MAP9: variants seen among roughly 807,000 people sequenced by gnomAD.
MAP9 encodes the protein microtubule-associated protein 9.
Under a neutral mutation model 75.2 loss-of-function variants are expected in MAP9, and 80 were observed. The observed-to-expected ratio is 1.06, with a 90% CI of 0.89 to 1.28. The LOEUF is 1.28. MAP9 is among the 50% of genes most tolerant of loss of function. The pLI, the probability that MAP9 is intolerant of heterozygous loss-of-function variation, is 0.00. For synonymous variants in MAP9, 235 were observed against 237.3 expected, an observed-to-expected ratio of 0.99 and a Z score of 0.09; for missense variants, 753 against 719.9, an observed-to-expected ratio of 1.05 and a Z score of -0.53.
At position 155,358,458 on chromosome 4, in the gene MAP9, G is replaced by A. The variant is rs1280031157; in HGVS notation, c.1051-939C>T. Among the ~76,000 whole-genome samples, 5 of 152,218 alleles carry A rather than the reference G, an allele frequency of 3.3e-5. No individual in the cohort carries two copies. The East Asian group carries it at 5.8e-4, about 18-fold the overall frequency. On this transcript the variant is annotated intron_variant, in intron 7 of 13. Coordinates refer to ENST00000311277, the MANE Select transcript of MAP9 (RefSeq NM_001039580.2). ...CCTTCATCAATTTTAAGAAAAGCTT[G>A]TATTTTATGTTATAAAAGTATTGCT...
In MAP9 at chr4:155,352,976, T is replaced by A; in HGVS notation, c.1624A>T (p.Lys542Ter). 1.3e-6 allele frequency: 2 copies of A among 1,543,678 alleles called. No homozygotes were observed. Among genetic ancestry groups the A allele is most frequent in the Non-Finnish European group, 1.8e-6 (2 of 1,139,608 alleles). The change falls in exon 12 of 14, where the codon AAA becomes TAA. Residue 542 changes from lysine to a stop codon, truncating the protein, a stop_gained. Coordinates refer to ENST00000311277, the MANE Select transcript of MAP9 (RefSeq NM_001039580.2). LOFTEE classifies it high-confidence loss of function. Reference sequence around the variant, plus strand: ...GCAACAGTTTCCTCCTCTTTCTGTTTCTTTGCTCTTTCATATTCTCTCTCC... The same window carrying A: ...GCAACAGTTTCCTCCTCTTTCTGTTACTTTGCTCTTTCATATTCTCTCTCC... Reference protein sequence around the residue: ...RKEREYERAKKQKEEETVAEK... With the variant: ...RKEREYERAK
intron 4 of MAP9, among the ~76,000 whole-genome samples, chr4:155,370,118 C>T (rs561521122): frequency 3.3e-4 from 50 of 152,244 alleles, no homozygotes; most frequent in African/African-American, 1.2e-3. Flanking sequence ...TGTTCAACCC[C>T]AAATCCAAGG....
At position 155,356,085 on chromosome 4, in the gene MAP9, G is replaced by A. The variant is rs181874929; in HGVS notation, c.1122-201C>T. ...GGCTGTTGACCAGCCTGGGCAACAT[G>A]GTGAAACCCTGTCTCTACCAAAAAT... On this transcript the variant is annotated intron_variant, in intron 8 of 13. Coordinates refer to ENST00000311277, the MANE Select transcript of MAP9 (RefSeq NM_001039580.2). Among the ~76,000 whole-genome samples, 973 of 152,208 alleles carry A rather than the reference G, an allele frequency of 6.4e-3. 10 individuals carry two copies. The highest frequency in any genetic ancestry group is 9.9e-3 in the Non-Finnish European group (674 of 67,992).
rs1051264905 is a variant in MAP9, at chr4:155,376,935, A to G, written c.-229T>C. ...GTACCCAACACCGCTCTTCGGCCCA[A>G]CGTGTCGCTGGGGCAACCACCCAGA... On this transcript the variant is annotated 5_prime_UTR_variant, in exon 1 of 14. Coordinates refer to ENST00000311277, the MANE Select transcript of MAP9 (RefSeq NM_001039580.2). The G allele has an allele frequency of 6.6e-5, 10 of 152,382 alleles. No homozygotes were observed. The highest frequency in any genetic ancestry group is 2.4e-4 in the African/African-American group (10 of 41,360). 9.4% of individuals were successfully genotyped at this position (152,382 alleles called of 1,614,324 possible).
At chr4:155,352,800 G>T in intron 12 of MAP9, 72 bp from the exon 13 acceptor site, 1 of 1,427,942 alleles carries the variant, frequency 7.0e-7, no homozygotes, top group Non-Finnish European at 9.5e-7. Flanking sequence ...GTACATCTTT[G>T]ACAGTAATGA....
Position 155,362,017 on chromosome 4 carries a change from C to T in MAP9, c.802+31G>A, listed in dbSNP as rs751296821. On this transcript the variant is annotated intron_variant, in intron 6 of 13. Transcript: ENST00000311277. ...AGGAGTCTAAGTAGTACAGAGTTCA[C>T]ATATAAGATATAATTATTAGATATA... The T allele has an allele frequency of 2.8e-5, 35 of 1,272,250 alleles. No homozygotes were observed. In the East Asian group the frequency reaches 7.9e-4, roughly 29 times the overall value. 78.8% of individuals were successfully genotyped at this position (1,272,250 alleles called of 1,614,324 possible).
rs752141945 is a variant in MAP9 at position 155,374,924 on chromosome 4, T to C, written c.160+13A>G. On this transcript the variant is annotated intron_variant, in intron 3 of 13. Coordinates refer to ENST00000311277, the MANE Select transcript of MAP9 (RefSeq NM_001039580.2). The stretch of plus-strand genomic sequence containing the variant: ...AGAAGAAAAGTGGTTCACGTTTCCA[T>C]ACTGTCACATACCAATCTCATCACT... The C allele has an allele frequency of 2.6e-6, 4 of 1,515,062 alleles. No homozygotes were observed. Among genetic ancestry groups the C allele is most frequent in the Non-Finnish European group, 2.7e-6 (3 of 1,112,302 alleles). The allele number at this position is 1,515,062 out of a possible 1,614,324, so 93.9% of individuals were successfully genotyped here. A position where few individuals can be genotyped will look rare whatever the true frequency, so the allele number is the denominator to read the frequency against.
rs138799380 is a variant in MAP9 at position 155,369,191 on chromosome 4, C to T, written c.482-379G>A. ...CAAAAAAATTAGCCGGGCTTAGTAG[C>T]GCGTGCCTGTAATCCCAGCTACTCA... is the stretch of plus-strand genomic sequence containing the variant. On this transcript the variant is annotated intron_variant, in intron 4 of 13. Coordinates refer to ENST00000311277, the MANE Select transcript of MAP9 (RefSeq NM_001039580.2). Among the ~76,000 whole-genome samples the T allele has an allele frequency of 8.8e-3, 1,337 of 151,840 alleles. 22 individuals are homozygous for T. The highest frequency in any genetic ancestry group is 0.029 in the African/African-American group (1,190 of 41,360).
chr4:155,367,979 A>C (rs1477897871), intron 5 of MAP9, among the ~76,000 whole-genome samples: 1 of 152,242 alleles, frequency 6.6e-6, no homozygotes, highest in African/African-American at 2.4e-5. Flanking sequence ...CAGAAGGGAC[A>C]GTTTGCTTCT....
rs1335727092 is a variant in MAP9 at position 155,352,990 on chromosome 4, T to C, written c.1610A>G (p.Tyr537Cys). 2 of 1,542,794 alleles carry C rather than the reference T, an allele frequency of 1.3e-6. No homozygotes were observed. Among genetic ancestry groups the C allele is most frequent in the South Asian group, 1.2e-5 (1 of 83,360 alleles). ...LKEKNRKEREYERAKKQKEEE... is the reference protein window; with the variant it reads ...LKEKNRKERECERAKKQKEEE... ...CTCTTTCTGTTTCTTTGCTCTTTCATATTCTCTCTCCTTTCTATTTTTCTC... is the reference window on the plus strand; with the variant it reads ...CTCTTTCTGTTTCTTTGCTCTTTCACATTCTCTCTCCTTTCTATTTTTCTC... Residue 537 changes from tyrosine (Y) to cysteine (C), a missense_variant, in exon 12 of 14, where the codon TAT becomes TGT. Coordinates refer to ENST00000311277, the MANE Select transcript of MAP9 (RefSeq NM_001039580.2).
Position 155,343,967 on chromosome 4 carries a change from A to G in MAP9, c.*3816T>C, listed in dbSNP as rs1164032079. The G allele has an allele frequency of 1.3e-5, 2 of 151,976 alleles. No individual in the cohort carries two copies. The highest frequency in any genetic ancestry group is 1.9e-4 in the East Asian group (1 of 5,202). The allele number at this position is 151,976 out of a possible 1,614,324, so 9.4% of individuals were successfully genotyped here. On this transcript the variant is annotated 3_prime_UTR_variant, in exon 14 of 14. Transcript: ENST00000311277. ...AGTTGATATCTTTCTTTTATGTAAA[A>G]GGAAGCATATGGGTTTAAATACCTT...
chr4:155,355,291 C>T (rs1731721428), intron 9 of MAP9, 131 bp from the exon 10 acceptor site: 2 of 360,382 alleles, frequency 5.5e-6, no homozygotes, highest in Non-Finnish European at 9.8e-6. Context: ...CTAAAAAAGA[C>T]AAAAAAAGAC....
At chr4:155,351,423 C>A (rs575429019) in intron 13 of MAP9, among the ~76,000 whole-genome samples, 3 of 150,240 alleles carry the variant, frequency 2.0e-5, no homozygotes, top group African/African-American at 7.3e-5. Flanking sequence ...TTGTGTAGGT[C>A]TTTTCAACTA....
At chr4:155,372,306 T>C (rs985468) in intron 4 of MAP9, among the ~76,000 whole-genome samples, 39,659 of 152,134 alleles carry the variant, frequency 0.26, 6,115 homozygotes, top group African/African-American at 0.44. Context: ...TTACTGATGA[T>C]ATGCAAGGAG....
chr4:155,363,310 C>T (rs1437930525), intron 5 of MAP9: 1 of 151,966 alleles, frequency 6.6e-6, no homozygotes, highest in Non-Finnish European at 1.5e-5. Flanking sequence ...TTTGAAGGGA[C>T]ATAAAAGAAT....
At chr4:155,350,363 T>A in intron 13 of MAP9, 1 of 304,584 alleles carries the variant, frequency 3.3e-6, no homozygotes, top group South Asian at 2.9e-5. Flanking sequence ...TGTTATTTTG[T>A]CTTTGGTCTT....
At chr4:155,348,958 C>A (rs185207051) in intron 13 of MAP9, among the ~76,000 whole-genome samples, 1 of 148,182 alleles carries the variant, frequency 6.7e-6, no homozygotes, top group Non-Finnish European at 1.5e-5. Flanking sequence ...TGGTCCCTGT[C>A]CCCCAGGGAA....
At chr4:155,375,748 G>C in intron 2 of MAP9, 28 bp downstream of exon 2, 1 of 1,451,220 alleles carries the variant, frequency 6.9e-7, no homozygotes, top group South Asian at 1.1e-5. Flanking sequence ...TTTACACTGT[G>C]AAATGATTCC....
intron 7 of MAP9, among the ~76,000 whole-genome samples, chr4:155,358,048 A>T (rs1161355041): frequency 6.6e-6 from 1 of 152,216 alleles, no homozygotes; most frequent in African/African-American, 2.4e-5. Context: ...AGGAGTCTGG[A>T]TGGAATTCTT....
Sources: gnomAD v4.1 joint callset for allele counts (sites outside exome capture counted in the v4.1 genomes callset) on GRCh38, gnomAD v4.1.1 for gene constraint, MANE v1.5 for transcripts, NCBI Gene and HGNC (gene_info 2026-07-23, HGNC 2026-07-21) for gene names.